The following CTIF variants were observed in gnomAD, a reference collection of about 807,000 sequenced individuals.
CTIF encodes the protein cap binding complex dependent translation initiation factor, also known as CBP80/20-dependent translation initiation factor.
A neutral mutation model predicts 66.0 loss-of-function variants in CTIF; 21 were observed. The observed-to-expected ratio is 0.32, with a 90% CI of 0.23 to 0.46. The LOEUF (loss-of-function observed/expected upper bound fraction) is 0.46. Ranked by LOEUF, CTIF falls within the 20% of genes least tolerant of loss-of-function variation. CTIF has a pLI of 1.00. For missense variants in CTIF, 739 were observed against 812.7 expected (o/e 0.91, Z 1.10); for synonymous variants, 345 against 326.4 (o/e 1.06, Z -0.62).
In CTIF at chr18:48,761,385, C is replaced by A. The variant is rs371941280; in HGVS notation, c.1072-5C>A. 1.9e-6 allele frequency: 3 copies of A among 1,611,804 alleles called. No homozygotes were observed. In the Admixed American group the frequency reaches 5.0e-5, roughly 27 times the overall value. Reference sequence around the variant, plus strand: ...GGCACATTCATTTGTCTCCGACACCCCCAGGATGAAGTGGCCGTGGAGACG... The same window carrying A: ...GGCACATTCATTTGTCTCCGACACCACCAGGATGAAGTGGCCGTGGAGACG... On this transcript the variant is annotated splice_region_variant and splice_polypyrimidine_tract_variant and intron_variant, in intron 8 of 11. Coordinates refer to ENST00000256413, the MANE Select transcript of CTIF (RefSeq NM_014772.3). This position sits in a 1 kb window ranked among gnomAD's most constrained non-coding sequence, Gnocchi z 4.2.
intron 6 of CTIF, among the ~76,000 whole-genome samples, chr18:48,672,408 T>G (rs1045304607): frequency 1.3e-5 from 2 of 152,210 alleles, no homozygotes; most frequent in African/African-American, 4.8e-5. Flanking sequence ...TGCCACTGAA[T>G]GGCCGTCACT....
intron 3 of CTIF, chr18:48,662,700 T>C (rs2091367392): frequency 1.3e-5 from 2 of 151,952 alleles, no homozygotes; most frequent in Admixed American, 1.3e-4. Context: ...CCTCTTCCAG[T>C]TACTATCTGA....
At chr18:48,799,067 G>T (rs1395888156) in intron 9 of CTIF, among the ~76,000 whole-genome samples, 1 of 152,232 alleles carries the variant, frequency 6.6e-6, no homozygotes, top group Non-Finnish European at 1.5e-5. Flanking sequence ...TGGAGAAGGT[G>T]AATGGTGCCA....
At chr18:48,594,405 C>G (rs1475345790) in intron 1 of CTIF, among the ~76,000 whole-genome samples, 1 of 145,326 alleles carries the variant, frequency 6.9e-6, no homozygotes, top group Non-Finnish European at 1.5e-5. Flanking sequence ...GTTGTTGAAG[C>G]ATGGATCTGT....
At chr18:48,816,046 G>A (rs536716912) in intron 9 of CTIF, among the ~76,000 whole-genome samples, 3 of 152,284 alleles carry the variant, frequency 2.0e-5, no homozygotes, top group Admixed American at 6.5e-5. Flanking sequence ...TCAGTGGCAC[G>A]CAGCAGTAAG....
In CTIF at chr18:48,552,112, T is replaced by A. The variant is rs578084382; in HGVS notation, c.-29+12800T>A. 6.0e-4 allele frequency among the ~76,000 whole-genome samples: 92 copies of A among 152,354 alleles called. 1 individual carries two copies. The highest frequency in any genetic ancestry group is 2.2e-3 in the African/African-American group (90 of 41,586). ...CCACCGTGCCTGGCCTAATAATAACTTTCAAAGCCTAACAGTTGCTAAGTA... is the reference window on the plus strand; with the variant it reads ...CCACCGTGCCTGGCCTAATAATAACATTCAAAGCCTAACAGTTGCTAAGTA... On this transcript the variant is annotated intron_variant, in intron 1 of 11. Transcript: ENST00000256413.
chr18:48,837,013 C>T (rs1568257812), intron 10 of CTIF, among the ~76,000 whole-genome samples: 1 of 152,206 alleles, frequency 6.6e-6, no homozygotes, highest in Non-Finnish European at 1.5e-5. Flanking sequence ...GAAACTGAGG[C>T]AGCCAGGGTT....
At chr18:48,690,973 T>C (rs2091916834) in intron 6 of CTIF, among the ~76,000 whole-genome samples, 1 of 152,134 alleles carries the variant, frequency 6.6e-6, no homozygotes, top group Admixed American at 6.5e-5. Flanking sequence ...CGGCAGCTCC[T>C]GGGGCCCACT....
At chr18:48,565,169 T>C (rs2089252660) in intron 1 of CTIF, 1 of 152,192 alleles carries the variant, frequency 6.6e-6, no homozygotes, top group Admixed American at 6.5e-5. Flanking sequence ...TCTGTGTGTG[T>C]CTTGTGATGT....
intron 10 of CTIF, among the ~76,000 whole-genome samples, chr18:48,843,883 T>C (rs899147268): frequency 6.6e-6 from 1 of 152,214 alleles, no homozygotes; most frequent in Admixed American, 6.5e-5. Flanking sequence ...ACTTGTGTGC[T>C]CTTGGAGAAA....
At chr18:48,656,231 G>C (rs762407637) in intron 3 of CTIF, among the ~76,000 whole-genome samples, 1 of 152,248 alleles carries the variant, frequency 6.6e-6, no homozygotes, top group Non-Finnish European at 1.5e-5. Context: ...AGTGGGTTCA[G>C]TTTACTTGAC....
chr18:48,817,810 G>C (rs939045901), intron 10 of CTIF, among the ~76,000 whole-genome samples: 5 of 151,188 alleles, frequency 3.3e-5, no homozygotes, highest in African/African-American at 1.2e-4. Context: ...CTTCAGCAAA[G>C]AGATGTGCAA....
At chr18:48,835,975 C>T (rs1335331578) in intron 10 of CTIF, among the ~76,000 whole-genome samples, 1 of 152,160 alleles carries the variant, frequency 6.6e-6, no homozygotes, top group African/African-American at 2.4e-5. Flanking sequence ...CCCCTCTGCC[C>T]CCCACTGTAG....
At chr18:48,630,977 C>T (rs542076319) in intron 2 of CTIF, among the ~76,000 whole-genome samples, 35 of 152,254 alleles carry the variant, frequency 2.3e-4, no homozygotes, top group Non-Finnish European at 3.2e-4. Context: ...GCACCCAGCC[C>T]GGGCTCTAGC....
intron 10 of CTIF, among the ~76,000 whole-genome samples, chr18:48,821,159 A>AC (rs1388081307): frequency 6.6e-6 from 1 of 151,958 alleles, no homozygotes; most frequent in Non-Finnish European, 1.5e-5. Context: ...TCTGTGTGGC[A>AC]CCCCCTCAGC....
intron 3 of CTIF, among the ~76,000 whole-genome samples, chr18:48,656,368 C>A (rs1450082444): frequency 6.6e-6 from 1 of 152,192 alleles, no homozygotes; most frequent in African/African-American, 2.4e-5. Context: ...TCAGTCTCCC[C>A]ATCAGTAAAA....
rs966761037 is a variant in CTIF at position 48,658,440 on chromosome 18, T to C, written c.253-5312T>C. ...TGTGTGTTTGGTGTGTATATGGGTG[T>C]GGTGTGGATGTGTGTGGATGGATGT... is the stretch of plus-strand genomic sequence containing the variant. On this transcript the variant is annotated intron_variant, in intron 3 of 11. Transcript: ENST00000256413. Among the ~76,000 whole-genome samples, 48 of 141,154 alleles carry C rather than the reference T, an allele frequency of 3.4e-4. 1 individual carries two copies. The highest frequency in any genetic ancestry group is 9.5e-5 in the Non-Finnish European group (6 of 63,174). The allele number at this position is 141,154 out of a possible 152,430, so 92.6% of individuals were successfully genotyped here. A position where few individuals can be genotyped will look rare whatever the true frequency, so the allele number is the denominator to read the frequency against.
At chr18:48,855,118 T>G (rs2069297847) in intron 10 of CTIF, among the ~76,000 whole-genome samples, 1 of 152,238 alleles carries the variant, frequency 6.6e-6, no homozygotes, top group African/African-American at 2.4e-5. Context: ...CTTGTGACTT[T>G]GTCTCTTTTG....
intron 8 of CTIF, among the ~76,000 whole-genome samples, chr18:48,759,079 C>G (rs1908701462): frequency 6.6e-6 from 1 of 152,210 alleles, no homozygotes; most frequent in African/African-American, 2.4e-5. Flanking sequence ...TGGTCCTGGC[C>G]TGGCCTGTAG....
Sources: allele counts gnomAD v4.1 joint callset (sites outside exome capture counted in the v4.1 genomes callset), GRCh38; gene constraint gnomAD v4.1.1; non-coding constraint Gnocchi (gnomAD v3.1); transcripts MANE v1.5; gene names NCBI Gene and HGNC (gene_info 2026-07-23, HGNC 2026-07-21).